Variants in TMEM131 observed in about 807,000 individuals in gnomAD.
TMEM131 encodes 2610524E03Rik.
Under a neutral mutation model 211.6 loss-of-function variants are expected in TMEM131, and 66 were observed. That is an observed-to-expected ratio of 0.31 (90% CI 0.26 to 0.38). The LOEUF (loss-of-function observed/expected upper bound fraction) is 0.38. Among genes scored for constraint, TMEM131 ranks in the 10% least tolerant of loss-of-function variants. The probability of loss-of-function intolerance (pLI) is 1.00; values close to 1 mark genes in which losing one functional copy is unlikely to be tolerated. For missense variants in TMEM131, 2,036 were observed against 2,299.3 expected (o/e 0.89, Z 2.34); for synonymous variants, 844 against 841.3 (o/e 1.00, Z -0.06).
chr2:97,963,360 C>T (rs1443248679), intron 1 of TMEM131, among the ~76,000 whole-genome samples: 1 of 152,158 alleles, frequency 6.6e-6, no homozygotes, highest in East Asian at 1.9e-4. Context: ...AGGAGCTTTA[C>T]TAATTTTTGA....
intron 4 of TMEM131, among the ~76,000 whole-genome samples, chr2:97,880,272 T>G (rs1467637944): frequency 6.6e-6 from 1 of 152,178 alleles, no homozygotes; most frequent in African/African-American, 2.4e-5. Flanking sequence ...AAAGGCAGGT[T>G]TTATAATGAA....
chr2:97,858,102 T>C (rs1481446738), intron 5 of TMEM131, among the ~76,000 whole-genome samples: 1 of 152,162 alleles, frequency 6.6e-6, no homozygotes, highest in East Asian at 1.9e-4. Flanking sequence ...CAACATATGA[T>C]GAAACAGGAT....
chr2:97,818,801 TACTGGAA>T, intron 11 of TMEM131, 80 bp from the exon 12 acceptor site: 1 of 951,340 alleles, frequency 1.1e-6, no homozygotes, highest in Non-Finnish European at 1.6e-6. Context: ...CTGGAAAGTA[TACTGGAA>T]AAGTAAAGTG....
At chr2:97,758,719 T>C (rs918468912) in intron 40 of TMEM131, among the ~76,000 whole-genome samples, 174 bp downstream of exon 40, 3 of 152,244 alleles carry the variant, frequency 2.0e-5, no homozygotes, top group Non-Finnish European at 4.4e-5. Context: ...CATCGATCAG[T>C]CATTTTGACA....
At chr2:97,986,340 A>G (rs938893391) in intron 1 of TMEM131, among the ~76,000 whole-genome samples, 5 of 152,156 alleles carry the variant, frequency 3.3e-5, no homozygotes, top group Non-Finnish European at 7.4e-5. Flanking sequence ...TAGGGGCAGG[A>G]AAAGAGTGAG....
At chr2:97,851,618 C>G (rs1389975546) in intron 5 of TMEM131, among the ~76,000 whole-genome samples, 1 of 152,172 alleles carries the variant, frequency 6.6e-6, no homozygotes, top group Admixed American at 6.5e-5. Flanking sequence ...CACATTTTGG[C>G]AATCTTGCAA....
chr2:97,759,074 A>C lies in TMEM131; in HGVS notation c.5207-21T>G, dbSNP rs751414920. On this transcript the variant is annotated intron_variant, in intron 39 of 40. Coordinates refer to ENST00000186436, the MANE Select transcript of TMEM131 (RefSeq NM_015348.2). ...AACTTCTGGAAATAAAGCAACAGTCATCAAGTCCATATTTGGTTTTGCCAT... is the reference window on the plus strand; with the variant it reads ...AACTTCTGGAAATAAAGCAACAGTCCTCAAGTCCATATTTGGTTTTGCCAT... 2 of 1,613,966 alleles carry C rather than the reference A, an allele frequency of 1.2e-6. No individual in the cohort carries two copies. Among genetic ancestry groups the C allele is most frequent in the Admixed American group, 3.3e-5 (2 of 60,034 alleles).
intron 1 of TMEM131, among the ~76,000 whole-genome samples, chr2:97,947,492 C>A (rs1263965817): frequency 2.0e-5 from 3 of 151,938 alleles, no homozygotes; most frequent in Non-Finnish European, 1.5e-5. Flanking sequence ...AAATCAAAAC[C>A]ATTTACAATT....
intron 3 of TMEM131, among the ~76,000 whole-genome samples, chr2:97,904,681 T>A (rs1387371247): frequency 6.6e-6 from 1 of 152,214 alleles, no homozygotes; most frequent in Non-Finnish European, 1.5e-5. Flanking sequence ...CCATTTGTTT[T>A]CTATTTTTCC....
At chr2:97,994,920 G>A (rs141519475) in intron 1 of TMEM131, among the ~76,000 whole-genome samples, 1 of 152,220 alleles carries the variant, frequency 6.6e-6, no homozygotes, top group East Asian at 1.9e-4. Context: ...AATGTAAACA[G>A]GCTTTCAACA....
At chr2:97,986,854 C>T (rs1242340596) in intron 1 of TMEM131, among the ~76,000 whole-genome samples, 1 of 152,262 alleles carries the variant, frequency 6.6e-6, no homozygotes, top group South Asian at 2.1e-4. Flanking sequence ...CTCTTGTACA[C>T]TGCTCTACCT....
intron 4 of TMEM131, among the ~76,000 whole-genome samples, chr2:97,881,396 T>C (rs1056173893): frequency 1.3e-5 from 2 of 151,922 alleles, no homozygotes; most frequent in Middle Eastern, 6.8e-3. Flanking sequence ...TTTGTAGGGA[T>C]TGGGTTTCAC....
chr2:97,777,588 C>T (rs1679799880), intron 31 of TMEM131, among the ~76,000 whole-genome samples: 2 of 152,194 alleles, frequency 1.3e-5, no homozygotes, highest in South Asian at 4.1e-4. Context: ...GTCTGCTGAG[C>T]CTGAGCTAGA....
At chr2:97,897,008 CTA>C (rs111365828) in intron 3 of TMEM131, among the ~76,000 whole-genome samples, 70 of 151,728 alleles carry the variant, frequency 4.6e-4, no homozygotes, top group Non-Finnish European at 8.0e-4. Flanking sequence ...TTTAATTACT[CTA>C]TATTACAGTT....
chr2:97,862,531 C>T (rs549309428), intron 4 of TMEM131, among the ~76,000 whole-genome samples: 8 of 151,978 alleles, frequency 5.3e-5, no homozygotes, highest in African/African-American at 1.4e-4. Flanking sequence ...TTAATACAGA[C>T]GCTGAAATAA....
intron 1 of TMEM131, among the ~76,000 whole-genome samples, chr2:97,955,098 A>G (rs1479666520): frequency 6.6e-6 from 1 of 152,146 alleles, no homozygotes; most frequent in African/African-American, 2.4e-5. Context: ...ATACCAGCAA[A>G]CTGAATCTAG....
At chr2:97,892,380 A>G (rs923075380) in intron 3 of TMEM131, among the ~76,000 whole-genome samples, 5 of 152,074 alleles carry the variant, frequency 3.3e-5, no homozygotes, top group African/African-American at 1.2e-4. Flanking sequence ...TTTTTGAGAT[A>G]GGGTCTCACT....
chr2:97,770,724 T>A (rs537243855), intron 33 of TMEM131, among the ~76,000 whole-genome samples: 15 of 152,204 alleles, frequency 9.9e-5, no homozygotes, highest in Non-Finnish European at 1.5e-4. Context: ...AGCTCAGGCC[T>A]GAGGGCTAAT....
At chr2:97,821,018 A>T (rs1184861420) in intron 11 of TMEM131, among the ~76,000 whole-genome samples, 1 of 152,176 alleles carries the variant, frequency 6.6e-6, no homozygotes, top group African/African-American at 2.4e-5. Context: ...GAAGCTCTGT[A>T]GTTTGCAGAG....
Sources: allele counts gnomAD v4.1 joint callset (sites outside exome capture counted in the v4.1 genomes callset), GRCh38; gene constraint gnomAD v4.1.1; transcripts MANE v1.5; gene names NCBI Gene and HGNC (gene_info 2026-07-23, HGNC 2026-07-21).